The following SPMAP2L variants were observed in gnomAD, a reference collection of about 807,000 sequenced individuals.
SPMAP2L encodes the protein sperm microtubule associated protein 2 like.
the SPMAP2L span, chr4:56,552,684 A>G: frequency 1.2e-6 from 1 of 849,090 alleles, no homozygotes; most frequent in Non-Finnish European, 1.9e-6. Flanking sequence ...AGTATTATTT[A>G]TCCATCCACC....
the SPMAP2L span, among the ~76,000 whole-genome samples, chr4:56,625,535 G>A: frequency 1.1e-3 from 173 of 152,246 alleles, 1 homozygote; most frequent in Non-Finnish European, 1.9e-3. Context: ...GAGGATCCAG[G>A]GGGAGGTAAT....
the SPMAP2L span, among the ~76,000 whole-genome samples, chr4:56,567,442 GTTTTTTTTTTTTTTT>G: frequency 3.0e-5 from 2 of 65,580 alleles, no homozygotes; most frequent in Admixed American, 2.2e-4. Context: ...AATTTTGGTG[GTTTTTTTTTTTTTTT>G]TTTTTTTTTT....
the SPMAP2L span, chr4:56,575,765 C>A: frequency 1.1e-6 from 1 of 920,520 alleles, no homozygotes; most frequent in Non-Finnish European, 1.6e-6. Flanking sequence ...TCCAAAGCAT[C>A]AGGTAAAAAA....
At chr4:56,593,008 T>G in the SPMAP2L span, 8 of 1,599,268 alleles carry the variant, frequency 5.0e-6, no homozygotes, top group Admixed American at 1.0e-4. Flanking sequence ...ATGAAATCCT[T>G]GCAACTCTGC....
the SPMAP2L span, among the ~76,000 whole-genome samples, chr4:56,599,492 C>T: frequency 4.6e-5 from 7 of 152,154 alleles, no homozygotes; most frequent in African/African-American, 1.7e-4. Context: ...ATCAACCTGT[C>T]ACCTAGGTTT....
the SPMAP2L span, chr4:56,600,815 C>G: frequency 2.0e-6 from 2 of 1,016,870 alleles, no homozygotes; most frequent in African/African-American, 1.6e-5. Flanking sequence ...AGACCAGTTA[C>G]GAGTCTGTTG....
chr4:56,592,371 A>T, the SPMAP2L span, among the ~76,000 whole-genome samples: 3 of 152,194 alleles, frequency 2.0e-5, no homozygotes, highest in African/African-American at 7.2e-5. Context: ...TGAGTTTATC[A>T]TTACCATTTA....
the SPMAP2L span, chr4:56,531,032 G>T: frequency 1.3e-6 from 2 of 1,535,166 alleles, no homozygotes; most frequent in Admixed American, 2.0e-5. Context: ...CGTGAACCCC[G>T]CCAGCTCCGC....
At chr4:56,608,279 A>G in the SPMAP2L span, among the ~76,000 whole-genome samples, 15 of 152,222 alleles carry the variant, frequency 9.9e-5, no homozygotes, top group Non-Finnish European at 2.9e-5. Flanking sequence ...TAATTAAAAG[A>G]GAGGCAGAAC....
chr4:56,564,133 A>ATT, the SPMAP2L span, among the ~76,000 whole-genome samples: 563 of 133,640 alleles, frequency 4.2e-3, 4 homozygotes, highest in African/African-American at 0.015. Flanking sequence ...AATCTGTGGA[A>ATT]TTTTTTTTTT....
the SPMAP2L span, among the ~76,000 whole-genome samples, chr4:56,562,215 A>T: frequency 0.086 from 13,105 of 152,210 alleles, 642 homozygotes; most frequent in South Asian, 0.14. Context: ...GATTATATTT[A>T]CTTCGGAGGG....
the SPMAP2L span, among the ~76,000 whole-genome samples, chr4:56,591,056 A>C: frequency 1.3e-5 from 2 of 152,192 alleles, no homozygotes; most frequent in Non-Finnish European, 2.9e-5. Context: ...TCAATATGTT[A>C]TGGTTTGATT....
the SPMAP2L span, among the ~76,000 whole-genome samples, chr4:56,556,132 A>G: frequency 1.7e-4 from 26 of 152,334 alleles, no homozygotes; most frequent in East Asian, 3.7e-3. Context: ...GCTTCTTTCC[A>G]TTATATCACC....
chr4:56,584,382 C>A, the SPMAP2L span: 1 of 667,606 alleles, frequency 1.5e-6, no homozygotes, highest in South Asian at 2.0e-5. Context: ...GATAGATGTT[C>A]CTAAGATAGA....
the SPMAP2L span, chr4:56,593,867 C>T: frequency 6.2e-7 from 1 of 1,611,214 alleles, no homozygotes; most frequent in Non-Finnish European, 8.5e-7. Flanking sequence ...TTCCCATGGG[C>T]TGGAGCATAT....
chr4:56,596,597 A>G, the SPMAP2L span: 6 of 1,530,130 alleles, frequency 3.9e-6, no homozygotes, highest in Middle Eastern at 1.7e-4. Flanking sequence ...GGTCTGTGCT[A>G]TGAAAGACAA....
At chr4:56,602,540 A>G in the SPMAP2L span, among the ~76,000 whole-genome samples, 1 of 152,126 alleles carries the variant, frequency 6.6e-6, no homozygotes, top group African/African-American at 2.4e-5. Flanking sequence ...TAAAAATACA[A>G]AAAAGTTTGC....
the SPMAP2L span, among the ~76,000 whole-genome samples, chr4:56,597,808 C>G: frequency 6.6e-6 from 1 of 152,118 alleles, no homozygotes; most frequent in Non-Finnish European, 1.5e-5. Context: ...ACTTTCAAGA[C>G]TACTGAGAGT....
chr4:56,618,567 C>T, the SPMAP2L span, among the ~76,000 whole-genome samples: 1 of 152,140 alleles, frequency 6.6e-6, no homozygotes, highest in African/African-American at 2.4e-5. Context: ...AAAAGAAAAG[C>T]CCCTCATATA....
Sources: gnomAD v4.1 joint callset for allele counts (sites outside exome capture counted in the v4.1 genomes callset) on GRCh38, gnomAD v4.1.1 for gene constraint, MANE v1.5 for transcripts, NCBI Gene and HGNC (gene_info 2026-07-23, HGNC 2026-07-21) for gene names.